The following ZNF317 variants were observed in gnomAD, a reference collection of about 807,000 sequenced individuals.
The protein encoded by ZNF317 is KRAB-containing zinc finger protein 317.
ZNF317 carries 17 observed loss-of-function variants against 23.4 expected under a neutral mutation model. That is an observed-to-expected ratio of 0.73 (90% CI 0.50 to 1.09). The LOEUF (loss-of-function observed/expected upper bound fraction) is 1.09, where lower values mean the gene tolerates loss of function less well. Ranked by LOEUF, ZNF317 falls within the 50% of genes least tolerant of loss-of-function variation. The pLI, the probability that ZNF317 is intolerant of heterozygous loss-of-function variation, is 0.00. For missense variants in ZNF317, 679 were observed against 796.7 expected (o/e 0.85, Z 1.78); for synonymous variants, 317 against 314.9 (o/e 1.01, Z -0.07).
At position 9,163,319 on chromosome 19, in the gene ZNF317, C is replaced by G. The variant is rs1052586995; in HGVS notation, c.*1886C>G. ...GCAGAAAGCTCACAGCGACCCTGGCCTCCCCTGTGGCCTCTTTGAGTGTCT... is the reference window on the plus strand; with the variant it reads ...GCAGAAAGCTCACAGCGACCCTGGCGTCCCCTGTGGCCTCTTTGAGTGTCT... On this transcript the variant is annotated 3_prime_UTR_variant, in exon 7 of 7. Transcript: ENST00000247956. 5 of 152,256 alleles carry G rather than the reference C, an allele frequency of 3.3e-5. No individual in the cohort carries two copies. Among genetic ancestry groups the G allele is most frequent in the African/African-American group, 1.2e-4 (5 of 41,464 alleles). 9.4% of individuals were successfully genotyped at this position (152,256 alleles called of 1,614,324 possible).
Position 9,161,318 on chromosome 19 carries a change from A to G in ZNF317, c.1673A>G (p.Tyr558Cys). ...CGGATCCACACCGGGGAGAAGCCCT[A>G]CGAATGCCTTGTCTGCGGGAAAGCC... ...HRRIHTGEKPYECLVCGKAFS... is the reference protein window; with the variant it reads ...HRRIHTGEKPCECLVCGKAFS... Residue 558 changes from tyrosine to cysteine, a missense_variant, in exon 7 of 7, where the codon TAC becomes TGC. Physicochemically the swap from Tyr to Cys is radical, Grantham distance 194 (BLOSUM62 -2). Coordinates refer to ENST00000247956, the MANE Select transcript of ZNF317 (RefSeq NM_020933.5). This position sits in a 1 kb window ranked among gnomAD's most constrained non-coding sequence, Gnocchi z 4.0. 1 of 1,614,014 alleles carries G rather than the reference A, an allele frequency of 6.2e-7. No homozygotes were observed. Among genetic ancestry groups the G allele is most frequent in the Non-Finnish European group, 8.5e-7 (1 of 1,179,916 alleles).
intron 1 of ZNF317, among the ~76,000 whole-genome samples, chr19:9,145,846 A>C (rs1332464806): frequency 6.6e-6 from 1 of 152,178 alleles, no homozygotes. Context: ...CTTCATAAAA[A>C]TTTCATGTAG....
chr19:9,157,720 G>T lies in ZNF317; in HGVS notation c.290-260G>T, dbSNP rs116518893. The T allele has an allele frequency of 2.4e-3, 1,816 of 748,376 alleles. 20 individuals carry two copies. In the African/African-American group the frequency reaches 0.03, roughly 12 times the overall value. The allele number at this position is 748,376 out of a possible 1,614,324, so 46.4% of individuals were successfully genotyped here. On this transcript the variant is annotated intron_variant, in intron 4 of 6. Coordinates refer to ENST00000247956, the MANE Select transcript of ZNF317 (RefSeq NM_020933.5). The stretch of plus-strand genomic sequence containing the variant: ...TTTTTTTTATTTTTGGTGATGAAGG[G>T]TTCTCACTATGTTGCCCAGACTGAT...
intron 1 of ZNF317, among the ~76,000 whole-genome samples, chr19:9,144,843 T>C (rs2050669203): frequency 6.6e-6 from 1 of 152,152 alleles, no homozygotes; most frequent in Admixed American, 6.6e-5. Flanking sequence ...CTCCCTGAGG[T>C]ATGTCTTTGA....
rs1232800121 is a variant in ZNF317, at chr19:9,162,284, C to CCCAA, written c.*852_*855dup. The CCCAA allele has an allele frequency of 6.6e-6, 1 of 152,060 alleles. No homozygotes were observed. Among genetic ancestry groups the CCCAA allele is most frequent in the Admixed American group, 6.5e-5 (1 of 15,268 alleles). 9.4% of individuals were successfully genotyped at this position (152,060 alleles called of 1,614,324 possible). ...CCCCCCACAACGAAGAGTTAGTGCC[C>CCCAA]CCAAACGTCACTGTTGCTGAGGTTG... On this transcript the variant is annotated 3_prime_UTR_variant, in exon 7 of 7. Coordinates refer to ENST00000247956, the MANE Select transcript of ZNF317 (RefSeq NM_020933.5).
At chr19:9,151,550 G>C (rs898220288) in intron 1 of ZNF317, among the ~76,000 whole-genome samples, 3 of 151,862 alleles carry the variant, frequency 2.0e-5, no homozygotes, top group Admixed American at 6.6e-5. Context: ...AGAGAGAGGA[G>C]GCATGTTCAT....
chr19:9,151,077 T>C (rs1055220515), intron 1 of ZNF317, among the ~76,000 whole-genome samples: 1 of 152,176 alleles, frequency 6.6e-6, no homozygotes, highest in Non-Finnish European at 1.5e-5. Flanking sequence ...AAAGGTGGAA[T>C]GGGACCTGCA....
chr19:9,161,398 C>A lies in ZNF317; in HGVS notation c.1753C>A (p.Leu585Ile). ...SHVKTHRGEK[L>I]FVSSVWKRLQ ...CGTGAAAACTCACCGGGGAGAGAAGCTCTTTGTGTCATCCGTGTGGAAAAG... is the reference window on the plus strand; with the variant it reads ...CGTGAAAACTCACCGGGGAGAGAAGATCTTTGTGTCATCCGTGTGGAAAAG... Residue 585 changes from leucine (L) to isoleucine (I), a missense_variant, in exon 7 of 7, where the codon CTC becomes ATC. Transcript: ENST00000247956. This position sits in a 1 kb window ranked among gnomAD's most constrained non-coding sequence, Gnocchi z 4.0. 6.2e-7 allele frequency: 1 copy of A among 1,613,590 alleles called. No homozygotes were observed. The highest frequency in any genetic ancestry group is 1.7e-4 in the Middle Eastern group (1 of 6,060).
At chr19:9,158,116 C>G (rs1429865481) in intron 5 of ZNF317, 41 bp downstream of exon 5, 29 of 1,529,428 alleles carry the variant, frequency 1.9e-5, no homozygotes, top group East Asian at 2.5e-5. Context: ...GTGACTCTAC[C>G]TCTATTCAGT....
rs889411305 is a variant in ZNF317 at position 9,151,528 on chromosome 19, G to A, written c.-92-4397G>A. Among the ~76,000 whole-genome samples, 15 of 151,966 alleles carry A rather than the reference G, an allele frequency of 9.9e-5. No individual in the cohort carries two copies. In the East Asian group the frequency reaches 1.5e-3, roughly 16 times the overall value. On this transcript the variant is annotated intron_variant, in intron 1 of 6. Coordinates refer to ENST00000247956, the MANE Select transcript of ZNF317 (RefSeq NM_020933.5). ...TTACATCAGTGCTGTCATGAGAGTCGCGGTGGAAGCCAGAGAGAGGAGGCA... is the reference window on the plus strand; with the variant it reads ...TTACATCAGTGCTGTCATGAGAGTCACGGTGGAAGCCAGAGAGAGGAGGCA...
intron 1 of ZNF317, among the ~76,000 whole-genome samples, chr19:9,146,080 T>C (rs933340251): frequency 6.6e-6 from 1 of 152,082 alleles, no homozygotes; most frequent in Non-Finnish European, 1.5e-5. Flanking sequence ...TTTTTAGCAA[T>C]TGTAATTGCC....
Position 9,161,510 on chromosome 19 carries a change from C to G in ZNF317, c.*77C>G. The G allele has an allele frequency of 6.6e-7, 1 of 1,524,108 alleles. No homozygotes were observed. The highest frequency in any genetic ancestry group is 8.8e-7 in the Non-Finnish European group (1 of 1,135,286). The allele number at this position is 1,524,108 out of a possible 1,614,324, so 94.4% of individuals were successfully genotyped here. A position where few individuals can be genotyped will look rare whatever the true frequency, so the allele number is the denominator to read the frequency against. ...GGGTGTAAGAGGAAGCCTCTGTGAG[C>G]TCGCACCTTACTGGGTGCAAAAGAA... On this transcript the variant is annotated 3_prime_UTR_variant, in exon 7 of 7. Coordinates refer to ENST00000247956, the MANE Select transcript of ZNF317 (RefSeq NM_020933.5). This position sits in a 1 kb window ranked among gnomAD's most constrained non-coding sequence, Gnocchi z 4.0.
At chr19:9,157,457 T>C (rs753530019) in intron 4 of ZNF317, 63 bp downstream of exon 4, 2 of 1,601,080 alleles carry the variant, frequency 1.2e-6, no homozygotes, top group East Asian at 2.2e-5. Context: ...TTTGAGTATG[T>C]TCTGTGACCC....
At position 9,140,571 on chromosome 19, in the gene ZNF317, C is replaced by T. The variant is rs1233834086; in HGVS notation, c.-114C>T. On this transcript the variant is annotated 5_prime_UTR_variant, in exon 1 of 7. Transcript: ENST00000247956. ...GCGGCGGCTTCCGTCACCTCCGCTCCCCCGATCCTATTCCCAGTCGTGTAA... is the reference window on the plus strand; with the variant it reads ...GCGGCGGCTTCCGTCACCTCCGCTCTCCCGATCCTATTCCCAGTCGTGTAA... 2.2e-6 allele frequency: 1 copy of T among 456,532 alleles called. No individual in the cohort carries two copies. Among genetic ancestry groups the T allele is most frequent in the Non-Finnish European group, 4.4e-6 (1 of 226,878 alleles). The allele number at this position is 456,532 out of a possible 1,614,324, so 28.3% of individuals were successfully genotyped here.
At chr19:9,158,546 C>G (rs113623196) in intron 5 of ZNF317, among the ~76,000 whole-genome samples, 2,027 of 151,652 alleles carry the variant, frequency 0.013, 48 homozygotes, top group African/African-American at 0.047. Context: ...ACCATGTTGT[C>G]CAGGCTGGTC....
intron 5 of ZNF317, 93 bp from the exon 6 acceptor site, chr19:9,158,733 C>T (rs1813730340): frequency 1.2e-6 from 1 of 851,848 alleles, no homozygotes; most frequent in East Asian, 2.5e-5. Context: ...CCTTACATAG[C>T]CTTAGGATCT....
intron 1 of ZNF317, among the ~76,000 whole-genome samples, chr19:9,141,080 C>T (rs1241463437): frequency 1.1e-5 from 1 of 88,382 alleles, no homozygotes; most frequent in Non-Finnish European, 2.4e-5. Context: ...TTTTAGTGGA[C>T]TCTTGTAAAT....
intron 4 of ZNF317, chr19:9,157,650 G>A: frequency 1.7e-6 from 1 of 572,570 alleles, no homozygotes; most frequent in Admixed American, 3.9e-5. Context: ...GAGGGTCAGT[G>A]TGTGGGTACT....
rs763301839 is a variant in ZNF317 at position 9,147,050 on chromosome 19, C to G, written c.-93+6458C>G. Among the ~76,000 whole-genome samples, 20 of 152,102 alleles carry G rather than the reference C, an allele frequency of 1.3e-4. 1 individual carries two copies. ...GTGAGTGCAGAGCCAGGGAGCCACT[C>G]GCTCTGAGCCAACCTTGTGCTTGTC... On this transcript the variant is annotated intron_variant, in intron 1 of 6. Coordinates refer to ENST00000247956, the MANE Select transcript of ZNF317 (RefSeq NM_020933.5).
Sources: gnomAD v4.1 joint callset for allele counts (sites outside exome capture counted in the v4.1 genomes callset) on GRCh38, gnomAD v4.1.1 for gene constraint, Gnocchi (gnomAD v3.1) non-coding constraint, MANE v1.5 for transcripts, NCBI Gene and HGNC (gene_info 2026-07-23, HGNC 2026-07-21) for gene names.